Variants in SIDT1 observed in about 807,000 individuals in gnomAD.
SIDT1 encodes the protein SID1 transmembrane family member 1.
In SIDT1, 101 loss-of-function variants were observed where a neutral mutation model predicts 107.5. That is an observed-to-expected ratio of 0.94 (90% CI 0.80 to 1.11). The LOEUF (loss-of-function observed/expected upper bound fraction) is 1.11. Among genes scored for constraint, SIDT1 ranks in the 50% least tolerant of loss-of-function variants. The probability of loss-of-function intolerance (pLI) is 0.00; values close to 1 mark genes in which losing one functional copy is unlikely to be tolerated. For synonymous variants in SIDT1, 395 were observed against 398.2 expected (o/e 0.99, Z 0.10); for missense variants, 1,076 against 1,058.2 (o/e 1.02, Z -0.23).
rs1003267219 is a variant in SIDT1 at position 113,628,943 on chromosome 3, T to G, written c.*1235T>G. On this transcript the variant is annotated 3_prime_UTR_variant, in exon 25 of 25. Coordinates refer to ENST00000264852, the MANE Select transcript of SIDT1 (RefSeq NM_017699.3). ...GGCAAGCTCAGCATCTGGGTTCCAC[T>G]CTCACACTGTCTGGCAGCTCTGTGT... 1.9e-4 allele frequency: 29 copies of G among 152,360 alleles called. No homozygotes were observed. Among genetic ancestry groups the G allele is most frequent in the African/African-American group, 7.0e-4 (29 of 41,566 alleles). 9.4% of individuals were successfully genotyped at this position (152,360 alleles called of 1,614,324 possible).
At position 113,603,154 on chromosome 3, in the gene SIDT1, C is replaced by G. The variant is rs763494430; in HGVS notation, c.1263+4C>G. The G allele has an allele frequency of 1.9e-6, 3 of 1,612,924 alleles. No homozygotes were observed. Among genetic ancestry groups the G allele is most frequent in the Non-Finnish European group, 2.5e-6 (3 of 1,179,340 alleles). On this transcript the variant is annotated splice_donor_region_variant and intron_variant, in intron 12 of 24. Coordinates refer to ENST00000264852, the MANE Select transcript of SIDT1 (RefSeq NM_017699.3). ...TAAAAACATCATCCGGACCAAGGTA[C>G]CCACTCTGCCTCGCCGTACTCTTTG...
chr3:113,610,025 C>G (rs1464314656), intron 17 of SIDT1, among the ~76,000 whole-genome samples: 1 of 152,082 alleles, frequency 6.6e-6, no homozygotes, highest in African/African-American at 2.4e-5. Flanking sequence ...TGTTCTGCAG[C>G]CTTTTTTCAT....
chr3:113,591,483 GA>G (rs571598589), intron 9 of SIDT1, among the ~76,000 whole-genome samples: 1,535 of 142,756 alleles, frequency 0.011, 26 homozygotes, highest in African/African-American at 0.035. Context: ...AAACAATCCT[GA>G]AAAAAAAAAA....
intron 19 of SIDT1, among the ~76,000 whole-genome samples, chr3:113,612,763 T>C (rs1428810000): frequency 6.6e-6 from 1 of 152,226 alleles, no homozygotes; most frequent in Non-Finnish European, 1.5e-5. Context: ...TCATCATATA[T>C]GGGAACAGAT....
intron 1 of SIDT1, among the ~76,000 whole-genome samples, chr3:113,548,197 T>C (rs1255775120): frequency 6.6e-6 from 1 of 152,162 alleles, no homozygotes; most frequent in Non-Finnish European, 1.5e-5. Context: ...ACTTGCATTA[T>C]TGTGGTACAC....
intron 14 of SIDT1, 54 bp from the exon 15 acceptor site, chr3:113,606,987 G>A: frequency 1.8e-6 from 2 of 1,115,800 alleles, no homozygotes; most frequent in Admixed American, 1.7e-5. Flanking sequence ...TTCCTGCTGG[G>A]GCTCAGAGGA....
Position 113,619,692 on chromosome 3 carries a change from T to C in SIDT1, c.2056T>C (p.Leu686=), listed in dbSNP as rs1343993901. The C allele has an allele frequency of 1.2e-6, 2 of 1,613,998 alleles. No homozygotes were observed. The highest frequency in any genetic ancestry group is 2.2e-5 in the East Asian group (1 of 44,876). ...TCCTCTTTTCCAGGATAGAATGGTG[T>C]TGCTGGTTGTGGGGAATCTGGTTAA... is the stretch of plus-strand genomic sequence containing the variant. The part of the protein sequence containing the change: ...SRPLYMDRMV[L]LVVGNLVNWS... Residue 686 remains leucine, a synonymous_variant, in exon 21 of 25, where the codon TTG becomes CTG. Transcript: ENST00000264852.
intron 1 of SIDT1, among the ~76,000 whole-genome samples, chr3:113,565,614 A>G (rs1941828830): frequency 6.6e-6 from 1 of 152,224 alleles, no homozygotes; most frequent in Non-Finnish European, 1.5e-5. Flanking sequence ...TAAAATAACC[A>G]TAATAGGGTT....
chr3:113,570,202 G>T (rs955739639), intron 3 of SIDT1, among the ~76,000 whole-genome samples: 6 of 152,200 alleles, frequency 3.9e-5, no homozygotes, highest in African/African-American at 1.2e-4. Flanking sequence ...ACTGTGCCTG[G>T]CCTAATTTAA....
intron 10 of SIDT1, among the ~76,000 whole-genome samples, chr3:113,598,052 A>G (rs779324240): frequency 1.3e-5 from 2 of 152,258 alleles, no homozygotes; most frequent in African/African-American, 4.8e-5. Flanking sequence ...ATTGGTGCAT[A>G]TAAAAGTCCA....
chr3:113,551,821 AG>A (rs200138667), intron 1 of SIDT1, among the ~76,000 whole-genome samples: 2 of 136,060 alleles, frequency 1.5e-5, no homozygotes, highest in Non-Finnish European at 3.1e-5. Context: ...GTAAAGTTTT[AG>A]GGGTGTGTGT....
chr3:113,611,106 T>A lies in SIDT1; in HGVS notation c.1819T>A (p.Ser607Thr), dbSNP rs1190451830. 3.1e-6 allele frequency: 5 copies of A among 1,613,986 alleles called. No homozygotes were observed. The South Asian group carries it at 4.4e-5, about 14-fold the overall frequency. The stretch of plus-strand genomic sequence containing the variant: ...TGCCAGCGCCTACTCTGCCTATGCC[T>A]CCTTTGCTGTGGTCATCATGGTCAC... ...INASAYSAYA[S>T]FAVVIMVTVL... The change falls in exon 18 of 25, where the codon TCC becomes ACC. Residue 607 changes from serine to threonine, a missense_variant. Physicochemically the swap from Ser to Thr is moderately conservative, Grantham distance 58. Transcript: ENST00000264852.
In SIDT1 at chr3:113,533,226, A is replaced by G. The variant is rs762763618; in HGVS notation, c.205A>G (p.Thr69Ala). The change falls in exon 1 of 25, where the codon ACC becomes GCC. Residue 69 changes from threonine to alanine, a missense_variant. Thr to Ala is a moderately conservative substitution (Grantham distance 58). Transcript: ENST00000264852. The part of the protein sequence containing the change: ...STENIYSFNY[T>A]SQPDQVTAVR... ...CGAGAACATCTACTCTTTCAACTAC[A>G]CCAGCCAGCCCGACCAGGTAAGACA... 4.7e-6 allele frequency: 7 copies of G among 1,487,168 alleles called. No homozygotes were observed. The highest frequency in any genetic ancestry group is 1.5e-5 in the African/African-American group (1 of 68,238). The allele number at this position is 1,487,168 out of a possible 1,614,324, so 92.1% of individuals were successfully genotyped here.
intron 9 of SIDT1, 120 bp from the exon 10 acceptor site, chr3:113,592,885 C>G: frequency 1.2e-6 from 1 of 840,972 alleles, no homozygotes; most frequent in South Asian, 1.4e-5. Context: ...CGCACCTGGC[C>G]CCAAAGACAT....
At chr3:113,573,518 G>T (rs1942646241) in intron 3 of SIDT1, among the ~76,000 whole-genome samples, 1 of 152,194 alleles carries the variant, frequency 6.6e-6, no homozygotes. Context: ...AATCCCTGGG[G>T]GTTAAGTCAC....
At chr3:113,567,026 T>G (rs1941980930) in intron 2 of SIDT1, among the ~76,000 whole-genome samples, 1 of 152,114 alleles carries the variant, frequency 6.6e-6, no homozygotes, top group South Asian at 2.1e-4. Context: ...AGGGGAGAAG[T>G]GTATAAGATA....
At chr3:113,632,111 T>A (rs1947098980), downstream of SIDT1, among the ~76,000 whole-genome samples, 1 of 152,174 alleles carries the variant, frequency 6.6e-6, no homozygotes, top group Non-Finnish European at 1.5e-5. Context: ...TTCAGTCAAG[T>A]GCTAAATAAA....
Position 113,567,724 on chromosome 3 carries a change from T to C in SIDT1, c.515+14T>C. 6.2e-7 allele frequency: 1 copy of C among 1,612,344 alleles called. No individual in the cohort carries two copies. Among genetic ancestry groups the C allele is most frequent in the African/African-American group, 1.3e-5 (1 of 75,028 alleles). On this transcript the variant is annotated intron_variant, in intron 3 of 24. Coordinates refer to ENST00000264852, the MANE Select transcript of SIDT1 (RefSeq NM_017699.3). The stretch of plus-strand genomic sequence containing the variant: ...CTTCCAGCTCCGGTAAGCGGGACTT[T>C]CTCTGTTTACCTGTCTGTGTTTCCT...
chr3:113,574,213 G>A (rs976615413), intron 3 of SIDT1, among the ~76,000 whole-genome samples: 2 of 152,214 alleles, frequency 1.3e-5, no homozygotes, highest in African/African-American at 4.8e-5. Flanking sequence ...GAGAATGATA[G>A]AAAGAATGAG....
Sources: allele counts gnomAD v4.1 joint callset (sites outside exome capture counted in the v4.1 genomes callset), GRCh38; gene constraint gnomAD v4.1.1; transcripts MANE v1.5; gene names NCBI Gene and HGNC (gene_info 2026-07-23, HGNC 2026-07-21).